Variants in CSMD1 observed in about 807,000 individuals in gnomAD.
CSMD1 encodes CUB and Sushi multiple domains 1.
A neutral mutation model predicts 417.5 loss-of-function variants in CSMD1; 213 were observed. The ratio of observed to expected loss-of-function variants is 0.51; its 90% CI spans 0.46 to 0.57. The LOEUF (loss-of-function observed/expected upper bound fraction) is 0.57, where lower values mean the gene tolerates loss of function less well. CSMD1 is among the 20% of genes least tolerant of loss of function. CSMD1 has a pLI of 0.00. For missense variants in CSMD1, 6,923 were observed against 4,529.7 expected, an observed-to-expected ratio of 1.53 and a Z score of -15.17; for synonymous variants, 2,862 against 1,736.8, an observed-to-expected ratio of 1.65 and a Z score of -16.11.
chr8:3,657,894 G>C (rs1031985680), intron 7 of CSMD1, among the ~76,000 whole-genome samples: 14 of 152,094 alleles, frequency 9.2e-5, no homozygotes, highest in African/African-American at 2.9e-4. Context: ...ACTTACCCTG[G>C]AGCTTCTGTG....
intron 3 of CSMD1, among the ~76,000 whole-genome samples, chr8:4,396,382 G>A (rs933125102): frequency 6.6e-6 from 1 of 151,962 alleles, no homozygotes; most frequent in Admixed American, 6.6e-5. Context: ...CAGGAGGATT[G>A]CTTGAGCCTG....
chr8:3,205,649 C>G, intron 30 of CSMD1, 29 bp from the exon 31 acceptor site: 2 of 1,150,880 alleles, frequency 1.7e-6, no homozygotes, highest in Non-Finnish European at 2.5e-6. Context: ...GAGAATTAGT[C>G]GCTGTGCAAT....
intron 3 of CSMD1, among the ~76,000 whole-genome samples, chr8:4,411,974 A>G (rs551923289): frequency 1.4e-5 from 2 of 144,150 alleles, no homozygotes; most frequent in Admixed American, 1.4e-4. Flanking sequence ...AAAAGTACAC[A>G]GCAACATAGC....
intron 2 of CSMD1, among the ~76,000 whole-genome samples, chr8:4,574,810 A>G (rs1187116024): frequency 6.6e-6 from 1 of 152,216 alleles, no homozygotes; most frequent in Admixed American, 6.5e-5. Flanking sequence ...TCCAATATCA[A>G]AACAAAACTA....
chr8:3,392,794 G>A (rs1811428010), intron 17 of CSMD1, among the ~76,000 whole-genome samples: 1 of 152,104 alleles, frequency 6.6e-6, no homozygotes, highest in South Asian at 2.1e-4. Context: ...TCAGCACCGG[G>A]TAAACGGGGA....
At chr8:4,699,633 C>G (rs1025644223) in intron 1 of CSMD1, among the ~76,000 whole-genome samples, 1 of 152,084 alleles carries the variant, frequency 6.6e-6, no homozygotes, top group Non-Finnish European at 1.5e-5. Flanking sequence ...GATATGAAAC[C>G]ACAAGCCAGA....
At chr8:4,301,701 C>A (rs959223067) in intron 3 of CSMD1, among the ~76,000 whole-genome samples, 1 of 152,182 alleles carries the variant, frequency 6.6e-6, no homozygotes, top group Admixed American at 6.6e-5. Context: ...ATTTTTCTTG[C>A]AAATTGATGT....
At chr8:4,606,167 C>A (rs929585036) in intron 2 of CSMD1, among the ~76,000 whole-genome samples, 1 of 152,190 alleles carries the variant, frequency 6.6e-6, no homozygotes. Flanking sequence ...CCGCAGGACA[C>A]ATAACTGTCA....
At position 3,981,099 on chromosome 8, in the gene CSMD1, A is replaced by G. The variant is rs1048520321; in HGVS notation, c.818+16804T>C. 2.0e-5 allele frequency among the ~76,000 whole-genome samples: 3 copies of G among 152,328 alleles called. No homozygotes were observed. In the East Asian group the frequency reaches 5.8e-4, roughly 29 times the overall value. On this transcript the variant is annotated intron_variant, in intron 5 of 69. Coordinates refer to ENST00000635120, the MANE Select transcript of CSMD1 (RefSeq NM_033225.6). Reference sequence around the variant, plus strand: ...TTCCTTCCAAGGACTTGCTATTTGCATAATGCATGCTGAAATGTCAGGAGT... The same window carrying G: ...TTCCTTCCAAGGACTTGCTATTTGCGTAATGCATGCTGAAATGTCAGGAGT...
chr8:4,368,301 G>C (rs1439989999), intron 3 of CSMD1, among the ~76,000 whole-genome samples: 1 of 152,104 alleles, frequency 6.6e-6, no homozygotes, highest in Non-Finnish European at 1.5e-5. Flanking sequence ...ATTGATATGT[G>C]TATGTTAAAC....
At chr8:4,938,482 G>A (rs925249033) in intron 1 of CSMD1, among the ~76,000 whole-genome samples, 2 of 152,154 alleles carry the variant, frequency 1.3e-5, no homozygotes, top group African/African-American at 4.8e-5. Context: ...CAAATGGTTT[G>A]ACAAAAAACT....
intron 63 of CSMD1, among the ~76,000 whole-genome samples, chr8:2,957,237 A>T (rs1230156395): frequency 6.6e-6 from 1 of 152,128 alleles, no homozygotes; most frequent in Non-Finnish European, 1.5e-5. Flanking sequence ...TTCTACTTAG[A>T]CTCTGACATA....
intron 49 of CSMD1, among the ~76,000 whole-genome samples, chr8:3,081,373 A>C (rs944310528): frequency 1.3e-5 from 2 of 152,216 alleles, no homozygotes; most frequent in African/African-American, 4.8e-5. Context: ...TAGAATGTCA[A>C]CTCAAGGATG....
intron 5 of CSMD1, among the ~76,000 whole-genome samples, chr8:3,821,805 C>A (rs1425939576): frequency 1.3e-5 from 2 of 152,016 alleles, no homozygotes; most frequent in Admixed American, 1.3e-4. Context: ...AGCAAACAAA[C>A]AAACAAACAA....
chr8:3,554,696 G>C lies in CSMD1; in HGVS notation c.1344+20249C>G, dbSNP rs541257585. Among the ~76,000 whole-genome samples the C allele has an allele frequency of 6.6e-5, 10 of 152,278 alleles. No homozygotes were observed. The East Asian group carries it at 1.9e-3, about 29-fold the overall frequency. On this transcript the variant is annotated intron_variant, in intron 10 of 69. Transcript: ENST00000635120. The stretch of plus-strand genomic sequence containing the variant: ...TTGTTAGAGTTTTTTTTCTCAGCCT[G>C]GCTTTGTTAATCAGAATGTTGAGAG...
intron 9 of CSMD1, 104 bp from the exon 10 acceptor site, chr8:3,575,170 TAAA>T (rs11352452): frequency 0.13 from 106,564 of 795,740 alleles, 79 homozygotes; most frequent in Middle Eastern, 0.17. Context: ...CTAATCACAG[TAAA>T]AAAAAAAAAA....
At chr8:3,698,023 T>C (rs1800651124) in intron 7 of CSMD1, among the ~76,000 whole-genome samples, 1 of 151,350 alleles carries the variant, frequency 6.6e-6, no homozygotes, top group Non-Finnish European at 1.5e-5. Flanking sequence ...TATACATTGT[T>C]TTATGTATTT....
Position 4,449,816 on chromosome 8 carries a change from TC to T in CSMD1, c.303-29752del, listed in dbSNP as rs1263726092. ...TTTACATAACAGAGCCCTGCAAGCT[TC>T]CCCTCCTACGTTCCCTATCTCAGTA... On this transcript the variant is annotated intron_variant, in intron 2 of 69. Transcript: ENST00000635120. 2.6e-5 allele frequency among the ~76,000 whole-genome samples: 4 copies of T among 152,130 alleles called. No individual in the cohort carries two copies. The South Asian group carries it at 8.3e-4, about 32-fold the overall frequency.
chr8:4,655,269 G>C (rs370593120), intron 1 of CSMD1, among the ~76,000 whole-genome samples: 1 of 151,958 alleles, frequency 6.6e-6, no homozygotes, highest in African/African-American at 2.4e-5. Context: ...CCTCCCCCTG[G>C]GGTCACTGCC....
Sources: allele counts gnomAD v4.1 joint callset (sites outside exome capture counted in the v4.1 genomes callset), GRCh38; gene constraint gnomAD v4.1.1; transcripts MANE v1.5; gene names NCBI Gene and HGNC (gene_info 2026-07-23, HGNC 2026-07-21).